Variants in AFG3L2 observed in about 807,000 individuals in gnomAD.
AFG3L2 encodes mitochondrial inner membrane m-AAA protease component AFG3L2.
A neutral mutation model predicts 94.5 loss-of-function variants in AFG3L2; 54 were observed. That is an observed-to-expected ratio of 0.57 (90% CI 0.46 to 0.72). AFG3L2 has a LOEUF of 0.72. Ranked by LOEUF, AFG3L2 falls within the 30% of genes least tolerant of loss-of-function variation. The pLI, the probability that AFG3L2 is intolerant of heterozygous loss-of-function variation, is 0.00. For synonymous variants in AFG3L2, 377 were observed against 365.5 expected (o/e 1.03, Z -0.36); for missense variants, 754 against 994.9 (o/e 0.76, Z 3.26).
At chr18:12,371,015 C>A (rs1908971994) in intron 2 of AFG3L2, 89 bp from the exon 3 acceptor site, 1 of 807,496 alleles carries the variant, frequency 1.2e-6, no homozygotes, top group Non-Finnish European at 2.0e-6. Context: ...TGATGCATCA[C>A]TGAAAAGCAC....
Position 12,348,349 on chromosome 18 carries a change from C to G in AFG3L2, c.1587G>C (p.Ala529=), listed in dbSNP as rs749471990. The G allele has an allele frequency of 1.2e-6, 2 of 1,614,114 alleles. No homozygotes were observed. The highest frequency in any genetic ancestry group is 8.5e-7 in the Non-Finnish European group (1 of 1,180,018). The change falls in exon 13 of 17, where the codon GCG becomes GCC. Residue 529 remains alanine, a synonymous_variant. Transcript: ENST00000269143. ...ADVANVCNEA[A]LIAARHLSDS... is the part of the protein sequence containing the mutation. ...CTGACAGATGCCTTGCAGCAATCAA[C>G]GCAGCTTCATTACAGACATTAGCAA...
chr18:12,332,842 AC>A (rs1907579578), intron 16 of AFG3L2, among the ~76,000 whole-genome samples: 1 of 143,478 alleles, frequency 7.0e-6, no homozygotes, highest in African/African-American at 2.6e-5. Flanking sequence ...TTATACACAC[AC>A]ACACACACAC....
chr18:12,346,952 C>T (rs967144899), intron 13 of AFG3L2, among the ~76,000 whole-genome samples: 3 of 142,798 alleles, frequency 2.1e-5, no homozygotes, highest in Admixed American at 7.1e-5. Flanking sequence ...GCCTGGCCAA[C>T]GTGGTGAAAC....
intron 16 of AFG3L2, among the ~76,000 whole-genome samples, chr18:12,333,317 T>C (rs1249432716): frequency 2.0e-4 from 26 of 131,536 alleles, no homozygotes; most frequent in African/African-American, 7.4e-4. Flanking sequence ...ATATTATAAA[T>C]ATATAATATA....
chr18:12,340,534 T>C (rs1907915161), intron 14 of AFG3L2, 133 bp from the exon 15 acceptor site: 2 of 768,626 alleles, frequency 2.6e-6, no homozygotes, highest in African/African-American at 1.7e-5. Context: ...CTTAGTGGGA[T>C]GTGATCTAGC....
At position 12,365,854 on chromosome 18, in the gene AFG3L2, A is replaced by G. The variant is rs79325706; in HGVS notation, c.552+1111T>C. Among the ~76,000 whole-genome samples the G allele has an allele frequency of 6.3e-3, 946 of 149,426 alleles. 6 individuals carry two copies. Among genetic ancestry groups the G allele is most frequent in the Non-Finnish European group, 9.9e-3 (666 of 67,586 alleles). ...AGCAGGCCTAATTCTGGTGTCTATC[A>G]CTACACTGCATCAATTCTTTTTTTT... On this transcript the variant is annotated intron_variant, in intron 5 of 16. Transcript: ENST00000269143.
At chr18:12,340,173 G>A (rs746653948) in intron 15 of AFG3L2, 28 bp downstream of exon 15, 5 of 1,578,986 alleles carry the variant, frequency 3.2e-6, no homozygotes, top group East Asian at 2.2e-5. Context: ...AATACATGAG[G>A]AGGAAATGCA....
At chr18:12,334,944 A>G (rs1907693920) in intron 16 of AFG3L2, among the ~76,000 whole-genome samples, 1 of 152,214 alleles carries the variant, frequency 6.6e-6, no homozygotes. Flanking sequence ...CCTGGGACTT[A>G]TGAAAGGAAA....
At chr18:12,342,478 T>G (rs1907984541) in intron 14 of AFG3L2, 1 of 152,214 alleles carries the variant, frequency 6.6e-6, no homozygotes, top group Non-Finnish European at 1.5e-5. Context: ...ACTGCATGTA[T>G]TTTTGGAGGG....
At chr18:12,351,622 C>T (rs1427791221) in intron 10 of AFG3L2, among the ~76,000 whole-genome samples, 1 of 151,718 alleles carries the variant, frequency 6.6e-6, no homozygotes, top group Non-Finnish European at 1.5e-5. Flanking sequence ...TCTCAGCTCA[C>T]TGCAACCTCC....
At chr18:12,360,468 C>T (rs1262497001) in intron 6 of AFG3L2, among the ~76,000 whole-genome samples, 2 of 152,134 alleles carry the variant, frequency 1.3e-5, no homozygotes, top group East Asian at 3.8e-4. Context: ...GTACTAAGTA[C>T]CAGGCATTGT....
chr18:12,358,065 T>C (rs1908548486), intron 8 of AFG3L2, among the ~76,000 whole-genome samples: 1 of 152,254 alleles, frequency 6.6e-6, no homozygotes, highest in South Asian at 2.1e-4. Context: ...AATTTATTCA[T>C]GGACTTTTAA....
intron 13 of AFG3L2, among the ~76,000 whole-genome samples, chr18:12,344,944 GA>G (rs1908084993): frequency 6.6e-6 from 1 of 152,178 alleles, no homozygotes; most frequent in African/African-American, 2.4e-5. Context: ...CAAAACTCTG[GA>G]AAGGTCCTCA....
chr18:12,347,054 G>A (rs1180606946), intron 13 of AFG3L2, among the ~76,000 whole-genome samples: 2 of 151,848 alleles, frequency 1.3e-5, no homozygotes, highest in East Asian at 1.9e-4. Flanking sequence ...TTGAACCCTG[G>A]AGGTGGAGGT....
At chr18:12,342,502 T>A (rs778796650) in intron 14 of AFG3L2, 13 of 152,234 alleles carry the variant, frequency 8.5e-5, no homozygotes, top group Non-Finnish European at 1.9e-4. Context: ...GGCTTGCCTT[T>A]TTATTTTCTT....
At position 12,348,398 on chromosome 18, in the gene AFG3L2, C is replaced by G; in HGVS notation, c.1553-15G>C. The G allele has an allele frequency of 3.1e-6, 5 of 1,607,832 alleles. No homozygotes were observed. The highest frequency in any genetic ancestry group is 4.3e-6 in the Non-Finnish European group (5 of 1,174,330). ...AACATCAGCACCTAAAAAATGAACA[C>G]AGAACAGCTTACCCACCGAAATACG... is the stretch of plus-strand genomic sequence containing the variant. On this transcript the variant is annotated splice_polypyrimidine_tract_variant and intron_variant, in intron 12 of 16. Coordinates refer to ENST00000269143, the MANE Select transcript of AFG3L2 (RefSeq NM_006796.3).
intron 12 of AFG3L2, among the ~76,000 whole-genome samples, chr18:12,349,548 T>C (rs1015638255): frequency 1.3e-5 from 2 of 152,170 alleles, no homozygotes; most frequent in Non-Finnish European, 2.9e-5. Context: ...AGCCAAACAA[T>C]GGCACATTTA....
intron 1 of AFG3L2, among the ~76,000 whole-genome samples, chr18:12,372,423 G>C (rs1045277859): frequency 6.6e-6 from 1 of 152,214 alleles, no homozygotes; most frequent in African/African-American, 2.4e-5. Context: ...CTGGAGCCCT[G>C]TACACTGTGC....
chr18:12,337,343 T>C lies in AFG3L2; in HGVS notation c.2173A>G (p.Lys725Glu), dbSNP rs561135750. The change falls in exon 16 of 17, where the codon AAG becomes GAG. Residue 725 changes from lysine to glutamate, a missense_variant and splice_region_variant. Coordinates refer to ENST00000269143, the MANE Select transcript of AFG3L2 (RefSeq NM_006796.3). ...TTATTCCCACAACTGGCACCTACCT[T>C]CTCCACGTCAGCTTTCTTTTCTGTG... ...LLTEKKADVE[K>E]VALLLLEKEV... is the part of the protein sequence containing the mutation. 2 of 1,613,934 alleles carry C rather than the reference T, an allele frequency of 1.2e-6. No homozygotes were observed. Among genetic ancestry groups the C allele is most frequent in the South Asian group, 2.2e-5 (2 of 91,078 alleles).
Sources: gnomAD v4.1 joint callset for allele counts (sites outside exome capture counted in the v4.1 genomes callset) on GRCh38, gnomAD v4.1.1 for gene constraint, MANE v1.5 for transcripts, NCBI Gene and HGNC (gene_info 2026-07-23, HGNC 2026-07-21) for gene names.